SORCS1: variants seen among roughly 807,000 people sequenced by gnomAD.
The protein encoded by SORCS1 is sortilin related VPS10 domain containing receptor 1, also known as VPS10 domain-containing receptor SorCS1.
A neutral mutation model predicts 146.1 loss-of-function variants in SORCS1; 60 were observed. The observed-to-expected ratio is 0.41, with a 90% CI of 0.33 to 0.51. The LOEUF (loss-of-function observed/expected upper bound fraction) is 0.51, where lower values mean the gene tolerates loss of function less well. SORCS1 is among the 20% of genes least tolerant of loss of function. SORCS1 has a pLI of 0.21. For synonymous variants in SORCS1, 637 were observed against 584.0 expected, an observed-to-expected ratio of 1.09 and a Z score of -1.31; for missense variants, 1,352 against 1,487.6, an observed-to-expected ratio of 0.91 and a Z score of 1.50.
At chr10:107,081,199 A>G (rs564697790) in intron 1 of SORCS1, among the ~76,000 whole-genome samples, 1 of 152,310 alleles carries the variant, frequency 6.6e-6, no homozygotes, top group Admixed American at 6.5e-5. Context: ...AATCTCATCA[A>G]ACTTTACAAC....
intron 16 of SORCS1, 105 bp from the exon 17 acceptor site, chr10:106,667,907 A>C: frequency 3.4e-6 from 2 of 593,926 alleles, no homozygotes; most frequent in South Asian, 2.3e-5. Context: ...ATTAGTCATA[A>C]CAAACAAAAA....
intron 2 of SORCS1, among the ~76,000 whole-genome samples, chr10:106,862,039 A>G (rs1432140494): frequency 1.3e-5 from 2 of 152,326 alleles, no homozygotes; most frequent in Non-Finnish European, 2.9e-5. Context: ...CAAAGGTTGA[A>G]TGAGGTAAAA....
At chr10:106,673,293 A>T (rs1343488133) in intron 14 of SORCS1, among the ~76,000 whole-genome samples, 1 of 151,768 alleles carries the variant, frequency 6.6e-6, no homozygotes, top group Non-Finnish European at 1.5e-5. Flanking sequence ...CACCACACCA[A>T]GCTAATTTTT....
chr10:106,972,586 G>T (rs529810171), intron 1 of SORCS1, among the ~76,000 whole-genome samples: 83 of 151,650 alleles, frequency 5.5e-4, no homozygotes, highest in Non-Finnish European at 7.4e-4. Context: ...CAGCTAGGTG[G>T]GGGGGCTGAG....
chr10:106,592,748 T>A (rs1845678607), intron 24 of SORCS1, among the ~76,000 whole-genome samples: 2 of 151,990 alleles, frequency 1.3e-5, no homozygotes, highest in Admixed American at 1.3e-4. Context: ...GTGGAAGTTC[T>A]ACATCTAATA....
chr10:107,110,241 A>G (rs1965600655), intron 1 of SORCS1, among the ~76,000 whole-genome samples: 1 of 152,168 alleles, frequency 6.6e-6, no homozygotes, highest in South Asian at 2.1e-4. Flanking sequence ...ATTTTCAGGT[A>G]TCTTTATAGC....
At chr10:106,694,711 A>C (rs1267574649) in intron 9 of SORCS1, among the ~76,000 whole-genome samples, 4 of 152,218 alleles carry the variant, frequency 2.6e-5, no homozygotes, top group Non-Finnish European at 4.4e-5. Context: ...GAGGGTACTC[A>C]TAACGTACAG....
intron 1 of SORCS1, among the ~76,000 whole-genome samples, chr10:106,972,590 G>A (rs1349211305): frequency 6.6e-6 from 1 of 151,678 alleles, no homozygotes; most frequent in Non-Finnish European, 1.5e-5. Flanking sequence ...TAGGTGGGGG[G>A]GCTGAGATTT....
chr10:106,733,708 A>T (rs1856767879), intron 5 of SORCS1, among the ~76,000 whole-genome samples: 1 of 152,238 alleles, frequency 6.6e-6, no homozygotes, highest in African/African-American at 2.4e-5. Context: ...AATTTAATAC[A>T]AAATGAACTC....
intron 5 of SORCS1, among the ~76,000 whole-genome samples, chr10:106,752,781 G>A (rs1393585766): frequency 6.6e-6 from 1 of 152,128 alleles, no homozygotes; most frequent in African/African-American, 2.4e-5. Flanking sequence ...GAGAATGGGG[G>A]AGGAAGTGGG....
chr10:106,690,665 G>A (rs1331118748), intron 9 of SORCS1, among the ~76,000 whole-genome samples: 1 of 152,216 alleles, frequency 6.6e-6, no homozygotes, highest in African/African-American at 2.4e-5. Context: ...AATGTGTATC[G>A]ACAGGGGATA....
rs142484007 is a variant in SORCS1, at chr10:107,079,083, G to A, written c.558+84886C>T. On this transcript the variant is annotated intron_variant, in intron 1 of 25. Transcript: ENST00000263054. Reference sequence around the variant, plus strand: ...TACTAAAAATACAAAAAAATTAGCCGGGCACAGTGGTGGGTGCCTGTAGTC... The same window carrying A: ...TACTAAAAATACAAAAAAATTAGCCAGGCACAGTGGTGGGTGCCTGTAGTC... 7.0e-3 allele frequency among the ~76,000 whole-genome samples: 1,061 copies of A among 152,222 alleles called. 7 individuals are homozygous for A. The highest frequency in any genetic ancestry group is 0.023 in the African/African-American group (975 of 41,546).
chr10:106,759,318 T>G (rs139131323), intron 5 of SORCS1, among the ~76,000 whole-genome samples: 1 of 152,204 alleles, frequency 6.6e-6, no homozygotes, highest in South Asian at 2.1e-4. Flanking sequence ...AAAAGGTCAC[T>G]GTCACAGTGA....
chr10:106,970,336 C>CTTTT lies in SORCS1; in HGVS notation c.559-13760_559-13757dup, dbSNP rs766818370. ...TTCCCTCCAAATGTAACCAACATCT[C>CTTTT]TTTTTTTTTTTTTTTTTTTGAGATG... On this transcript the variant is annotated intron_variant, in intron 1 of 25. Transcript: ENST00000263054. 1.0e-3 allele frequency among the ~76,000 whole-genome samples: 91 copies of CTTTT among 89,418 alleles called. 7 individuals are homozygous for CTTTT. The highest frequency in any genetic ancestry group is 4.4e-3 in the African/African-American group (81 of 18,452). 58.7% of individuals were successfully genotyped at this position (89,418 alleles called of 152,430 possible).
At chr10:106,689,941 C>T (rs758983352) in intron 9 of SORCS1, among the ~76,000 whole-genome samples, 1 of 152,180 alleles carries the variant, frequency 6.6e-6, no homozygotes, top group Non-Finnish European at 1.5e-5. Flanking sequence ...TTTGAAACAA[C>T]AAGCATGTTA....
intron 2 of SORCS1, among the ~76,000 whole-genome samples, chr10:106,892,344 T>A (rs1236564292): frequency 6.6e-6 from 1 of 152,240 alleles, no homozygotes; most frequent in Non-Finnish European, 1.5e-5. Context: ...TTTAAACAGA[T>A]GTGGTTATTT....
intron 2 of SORCS1, among the ~76,000 whole-genome samples, chr10:106,842,336 T>C (rs1949086072): frequency 6.6e-6 from 1 of 151,838 alleles, no homozygotes; most frequent in Admixed American, 6.6e-5. Flanking sequence ...CAGGTTCAAG[T>C]GATTCTCCTG....
chr10:106,838,993 A>G (rs1005697618), intron 2 of SORCS1, among the ~76,000 whole-genome samples: 31 of 152,166 alleles, frequency 2.0e-4, no homozygotes, highest in Admixed American at 2.0e-3. Flanking sequence ...TGACTGCTCC[A>G]ACAACCAGCT....
At chr10:106,733,664 T>G (rs1320380033) in intron 5 of SORCS1, among the ~76,000 whole-genome samples, 2 of 152,172 alleles carry the variant, frequency 1.3e-5, no homozygotes, top group African/African-American at 4.8e-5. Flanking sequence ...GTCATCATCA[T>G]TATAATCATC....
Sources: gnomAD v4.1 joint callset for allele counts (sites outside exome capture counted in the v4.1 genomes callset) on GRCh38, gnomAD v4.1.1 for gene constraint, MANE v1.5 for transcripts, NCBI Gene and HGNC (gene_info 2026-07-23, HGNC 2026-07-21) for gene names.